The following TMED3 variants were observed in gnomAD, a reference collection of about 807,000 sequenced individuals.
TMED3 encodes transmembrane emp24 domain-containing protein 3.
Under a neutral mutation model 15.0 loss-of-function variants are expected in TMED3, and 9 were observed. That is an observed-to-expected ratio of 0.60 (90% CI 0.36 to 1.04). TMED3 has a LOEUF of 1.04. TMED3 is among the 50% of genes least tolerant of loss of function. TMED3 has a pLI of 0.01. For synonymous variants in TMED3, 117 were observed against 121.4 expected (o/e 0.96, Z 0.24); for missense variants, 267 against 278.9 (o/e 0.96, Z 0.30).
intron 2 of TMED3, among the ~76,000 whole-genome samples, chr15:79,377,721 C>T (rs960897595): frequency 3.3e-5 from 5 of 149,894 alleles, no homozygotes; most frequent in South Asian, 4.2e-4. Context: ...AATCTCGGCT[C>T]GCTGCAAGCT....
intron 2 of TMED3, among the ~76,000 whole-genome samples, chr15:79,400,880 C>T (rs1012897006): frequency 1.3e-5 from 2 of 152,202 alleles, no homozygotes; most frequent in African/African-American, 4.8e-5. Context: ...CAGCTATTAT[C>T]ATGAGAATGC....
intron 2 of TMED3, among the ~76,000 whole-genome samples, chr15:79,385,880 C>G (rs1432878495): frequency 6.6e-6 from 1 of 152,210 alleles, no homozygotes; most frequent in African/African-American, 2.4e-5. Context: ...GCAGCAGCCT[C>G]TGCCATCATT....
intron 2 of TMED3, among the ~76,000 whole-genome samples, chr15:79,356,755 A>G (rs1251037979): frequency 3.3e-5 from 5 of 152,180 alleles, no homozygotes; most frequent in Non-Finnish European, 7.3e-5. Context: ...CTTTTCAGGA[A>G]TTTATCCCAC....
intron 2 of TMED3, among the ~76,000 whole-genome samples, chr15:79,391,615 T>C (rs1032527417): frequency 2.0e-5 from 3 of 152,170 alleles, no homozygotes; most frequent in Non-Finnish European, 2.9e-5. Context: ...TTTAAATCCA[T>C]TGTTTCTTTG....
intron 2 of TMED3, among the ~76,000 whole-genome samples, chr15:79,408,339 C>T (rs1167968110): frequency 3.3e-5 from 5 of 152,192 alleles, no homozygotes; most frequent in African/African-American, 7.2e-5. Flanking sequence ...TCCCATCGGA[C>T]GTATGAGTCA....
chr15:79,323,046 C>T (rs569087856), downstream of TMED3, among the ~76,000 whole-genome samples: 442 of 152,304 alleles, frequency 2.9e-3, 1 homozygote, highest in Admixed American at 6.1e-3. Flanking sequence ...ATGCTCACAC[C>T]ATGTTGTACA....
chr15:79,402,971 C>G (rs977423864), intron 2 of TMED3, among the ~76,000 whole-genome samples: 1 of 151,772 alleles, frequency 6.6e-6, no homozygotes, highest in African/African-American at 2.4e-5. Flanking sequence ...GTAATCCTAG[C>G]ACTTTGGGAG....
chr15:79,314,632 G>C (rs1274442928), intron 2 of TMED3: 3 of 443,662 alleles, frequency 6.8e-6, no homozygotes, highest in Non-Finnish European at 1.4e-5. Flanking sequence ...GTGGGAATAC[G>C]TATCACCTGC....
chr15:79,354,846 A>G (rs964608932), intron 2 of TMED3, among the ~76,000 whole-genome samples: 6 of 152,146 alleles, frequency 3.9e-5, no homozygotes, highest in Non-Finnish European at 5.9e-5. Context: ...CTGCCCCCCC[A>G]TTCCGTTTTT....
At chr15:79,392,344 A>G (rs554308310) in intron 2 of TMED3, among the ~76,000 whole-genome samples, 3 of 152,254 alleles carry the variant, frequency 2.0e-5, no homozygotes, top group South Asian at 2.1e-4. Context: ...AAAAGACTGT[A>G]TCTTTCCTTC....
rs564613441 is a variant in TMED3 at position 79,352,847 on chromosome 15, A to T, written c.417+38842A>T. Among the ~76,000 whole-genome samples, 33 of 131,124 alleles carry T rather than the reference A, an allele frequency of 2.5e-4. No individual in the cohort carries two copies. The South Asian group carries it at 7.2e-3, about 29-fold the overall frequency. 86.0% of individuals were successfully genotyped at this position (131,124 alleles called of 152,430 possible). On this transcript the variant is annotated intron_variant, in intron 2 of 2. Transcript: ENST00000424155. The stretch of plus-strand genomic sequence containing the variant: ...TCAAAATTTTATATATATATATATA[A>T]AATATACATATAAAATATACATATA...
intron 2 of TMED3, among the ~76,000 whole-genome samples, chr15:79,320,295 A>G (rs1354107173): frequency 6.6e-6 from 1 of 152,006 alleles, no homozygotes; most frequent in Non-Finnish European, 1.5e-5. Context: ...GGTTTTTCCT[A>G]GGTTATGATT....
intron 2 of TMED3, among the ~76,000 whole-genome samples, chr15:79,404,073 A>C (rs1354930): frequency 0.99 from 150,534 of 152,328 alleles, 74,412 homozygotes; most frequent in East Asian, 1. Context: ...ATATTCACAC[A>C]CCTTCTTTGT....
At chr15:79,367,001 A>G (rs1341774640) in intron 2 of TMED3, among the ~76,000 whole-genome samples, 2 of 152,214 alleles carry the variant, frequency 1.3e-5, no homozygotes, top group Non-Finnish European at 2.9e-5. Context: ...CATTGTTTTC[A>G]AAAAGCACAG....
At chr15:79,403,571 A>G (rs758877793) in intron 2 of TMED3, among the ~76,000 whole-genome samples, 7 of 152,174 alleles carry the variant, frequency 4.6e-5, no homozygotes, top group Non-Finnish European at 7.3e-5. Context: ...AGACCTCATT[A>G]TATAGCAGCA....
At chr15:79,388,826 C>G (rs1330985794) in intron 2 of TMED3, among the ~76,000 whole-genome samples, 2 of 152,128 alleles carry the variant, frequency 1.3e-5, no homozygotes, top group African/African-American at 4.8e-5. Flanking sequence ...TTTCGATTTG[C>G]ATTTCCCTGA....
In TMED3 at chr15:79,311,428, G is replaced by A; in HGVS notation, c.168+11G>A. The A allele has an allele frequency of 6.3e-7, 1 of 1,596,678 alleles. No homozygotes were observed. Among genetic ancestry groups the A allele is most frequent in the Non-Finnish European group, 8.5e-7 (1 of 1,171,546 alleles). On this transcript the variant is annotated intron_variant, in intron 1 of 2. Transcript: ENST00000299705. ...TCCCTGGATTACCAGGTGAGGCCGG[G>A]CGCCCGGCAGCGCTCCCTTCTCCCT...
At chr15:79,314,066 C>T (rs3784544) in intron 2 of TMED3, 61 bp downstream of exon 2, 1,583,397 of 1,589,910 alleles carry the variant, frequency 1, 788,559 homozygotes, top group Non-Finnish European at 1. Context: ...CTTCATTGGC[C>T]TCTGTCTAGG....
At chr15:79,325,102 C>G (rs2058782586), downstream of TMED3, among the ~76,000 whole-genome samples, 1 of 152,136 alleles carries the variant, frequency 6.6e-6, no homozygotes, top group Non-Finnish European at 1.5e-5. Context: ...AACAGAATCT[C>G]CCAGGGAAAA....
Sources: allele counts gnomAD v4.1 joint callset (sites outside exome capture counted in the v4.1 genomes callset), GRCh38; gene constraint gnomAD v4.1.1; transcripts MANE v1.5; gene names NCBI Gene and HGNC (gene_info 2026-07-23, HGNC 2026-07-21).